SASS6: variants seen among roughly 807,000 people sequenced by gnomAD.
SASS6 encodes spindle assembly abnormal protein 6 homolog.
In SASS6, 59 loss-of-function variants were observed where a neutral mutation model predicts 94.9. That is an observed-to-expected ratio of 0.62 (90% CI 0.50 to 0.77). The LOEUF is 0.77. SASS6 is among the 30% of genes least tolerant of loss of function. The pLI is 0.00. For synonymous variants in SASS6, 264 were observed against 270.0 expected, an observed-to-expected ratio of 0.98 and a Z score of 0.22; for missense variants, 698 against 734.1, an observed-to-expected ratio of 0.95 and a Z score of 0.57.
intron 15 of SASS6, among the ~76,000 whole-genome samples, chr1:100,087,266 A>C (rs1468751735): frequency 6.6e-6 from 1 of 152,238 alleles, no homozygotes. Context: ...TACAGGCATG[A>C]GCCACTGTGA....
At position 100,119,190 on chromosome 1, in the gene SASS6, A is replaced by C. The variant is rs6662945; in HGVS notation, c.550-53T>G. The C allele has an allele frequency of 0.1, 107,241 of 1,034,358 alleles. 6,571 individuals are homozygous for C. The highest frequency in any genetic ancestry group is 0.25 in the African/African-American group (15,184 of 61,562). The allele number at this position is 1,034,358 out of a possible 1,614,324, so 64.1% of individuals were successfully genotyped here. ...AAGATAGGCTCCTTAATATGTAATAATTTTGATTAGAATATAGCAATATTT... is the reference window on the plus strand; with the variant it reads ...AAGATAGGCTCCTTAATATGTAATACTTTTGATTAGAATATAGCAATATTT... On this transcript the variant is annotated intron_variant, in intron 6 of 16. Transcript: ENST00000287482.
At chr1:100,098,401 T>G (rs1009875448) in intron 14 of SASS6, among the ~76,000 whole-genome samples, 1 of 152,054 alleles carries the variant, frequency 6.6e-6, no homozygotes, top group Non-Finnish European at 1.5e-5. Context: ...TTTCCATCTC[T>G]AAAACAAACA....
intron 3 of SASS6, 64 bp from the exon 4 acceptor site, chr1:100,122,548 C>CATT: frequency 2.6e-6 from 1 of 390,270 alleles, no homozygotes; most frequent in African/African-American, 3.9e-5. Context: ...TGTTTTGGTG[C>CATT]CTTTTTTTTT....
At chr1:100,116,484 C>T (rs1351668392) in intron 7 of SASS6, among the ~76,000 whole-genome samples, 1 of 152,112 alleles carries the variant, frequency 6.6e-6, no homozygotes, top group Non-Finnish European at 1.5e-5. Flanking sequence ...TCTGCCAAAG[C>T]TAAACATATG....
chr1:100,090,450 C>T (rs903690101), intron 14 of SASS6, among the ~76,000 whole-genome samples: 1 of 152,078 alleles, frequency 6.6e-6, no homozygotes, highest in African/African-American at 2.4e-5. Context: ...AACTCCTAAG[C>T]GTCAAAGAGA....
intron 14 of SASS6, among the ~76,000 whole-genome samples, chr1:100,098,771 T>G (rs1200331925): frequency 6.6e-6 from 1 of 152,206 alleles, no homozygotes; most frequent in East Asian, 1.9e-4. Context: ...AAACTTATAT[T>G]CTGATACACT....
intron 14 of SASS6, among the ~76,000 whole-genome samples, chr1:100,093,949 A>G (rs1651938291): frequency 1.3e-5 from 2 of 152,202 alleles, no homozygotes; most frequent in African/African-American, 4.8e-5. Context: ...AAAAGGAGCC[A>G]AACAAACTCA....
intron 1 of SASS6, among the ~76,000 whole-genome samples, chr1:100,127,062 T>C (rs1428952077): frequency 6.6e-6 from 1 of 152,146 alleles, no homozygotes; most frequent in Non-Finnish European, 1.5e-5. Context: ...AATCCAGAAT[T>C]GGACAGAGGT....
intron 8 of SASS6, among the ~76,000 whole-genome samples, chr1:100,110,013 G>A (rs1323720002): frequency 6.6e-6 from 1 of 151,962 alleles, no homozygotes; most frequent in Non-Finnish European, 1.5e-5. Flanking sequence ...AAATACAGGT[G>A]CTGTGTTACT....
At chr1:100,124,759 T>A (rs1208550030) in intron 2 of SASS6, among the ~76,000 whole-genome samples, 2 of 152,148 alleles carry the variant, frequency 1.3e-5, no homozygotes, top group Non-Finnish European at 2.9e-5. Context: ...GTAGAAGACA[T>A]TTTTCCAAGA....
rs1207224228 is a variant in SASS6 at position 100,123,258 on chromosome 1, T to A, written c.158A>T (p.Asp53Val). Residue 53 changes from aspartate (D) to valine (V), a missense_variant, in exon 3 of 17, where the codon GAT (aspartate) becomes GTT (valine). By Grantham distance (152) the Asp-to-Val change is radical. Coordinates refer to ENST00000287482, the MANE Select transcript of SASS6 (RefSeq NM_194292.3). ...AACAAGGTTATATAAAAAAAATGGA[T>A]CCGTGTCATCAGTCAGACGAATAAC... The part of the protein sequence containing the change: ...DLVIRLTDDT[D>V]PFFLYNLVIS... 1 of 1,561,030 alleles carries A rather than the reference T, an allele frequency of 6.4e-7. No individual in the cohort carries two copies. The highest frequency in any genetic ancestry group is 8.8e-7 in the Non-Finnish European group (1 of 1,140,548).
intron 14 of SASS6, chr1:100,099,569 T>TA (rs1652319347): frequency 6.6e-6 from 1 of 152,314 alleles, no homozygotes. Context: ...ATGCTTGGGA[T>TA]AGGGGCTCCC....
rs114030200 is a variant in SASS6, at chr1:100,102,718, G to C, written c.1674+237C>G. Among the ~76,000 whole-genome samples, 1,252 of 150,142 alleles carry C rather than the reference G, an allele frequency of 8.3e-3. 11 individuals are homozygous for C. Among genetic ancestry groups the C allele is most frequent in the Non-Finnish European group, 0.013 (899 of 67,638 alleles). On this transcript the variant is annotated intron_variant, in intron 14 of 16. Coordinates refer to ENST00000287482, the MANE Select transcript of SASS6 (RefSeq NM_194292.3). ...AAGGAGAGGTTGAGTAGAAATAAGTGAGGTTTAAACAGACTGATGTCAAGA... is the reference window on the plus strand; with the variant it reads ...AAGGAGAGGTTGAGTAGAAATAAGTCAGGTTTAAACAGACTGATGTCAAGA...
chr1:100,127,900 C>G (rs920395670), intron 1 of SASS6, among the ~76,000 whole-genome samples: 1 of 151,998 alleles, frequency 6.6e-6, no homozygotes, highest in Non-Finnish European at 1.5e-5. Context: ...TTGTGAAAAC[C>G]TTTTTAGCTC....
rs1404240039 is a variant in SASS6, at chr1:100,132,919, G to T, written c.-105C>A. 8.4e-7 allele frequency: 1 copy of T among 1,184,138 alleles called. No individual in the cohort carries two copies. 73.4% of individuals were successfully genotyped at this position (1,184,138 alleles called of 1,614,324 possible). A position where few individuals can be genotyped will look rare whatever the true frequency, so the allele number is the denominator to read the frequency against. ...TGATAAAGTTTGAGTTTGGCGCTCG[G>T]CTTCTGCGGAGGAGGCGGGGAGGGA... is the stretch of plus-strand genomic sequence containing the variant. On this transcript the variant is annotated 5_prime_UTR_variant, in exon 1 of 17. Transcript: ENST00000287482.
chr1:100,095,791 T>C (rs1483374150), intron 14 of SASS6, among the ~76,000 whole-genome samples: 5 of 151,838 alleles, frequency 3.3e-5, no homozygotes, highest in African/African-American at 1.2e-4. Context: ...TTCTGAAAAA[T>C]AAAATAATTA....
rs551040318 is a variant in SASS6 at position 100,122,623 on chromosome 1, G to A, written c.207-139C>T. The A allele has an allele frequency of 1.1e-4, 42 of 395,088 alleles. 1 individual carries two copies. The South Asian group carries it at 1.4e-3, about 13-fold the overall frequency. The allele number at this position is 395,088 out of a possible 1,614,324, so 24.5% of individuals were successfully genotyped here. A position where few individuals can be genotyped will look rare whatever the true frequency, so the allele number is the denominator to read the frequency against. Reference sequence around the variant, plus strand: ...GCTGGAGTGCAGTGGTGCAATCTTGGCTCACTGCAACCTCTGCCTCCCAGG... The same window carrying A: ...GCTGGAGTGCAGTGGTGCAATCTTGACTCACTGCAACCTCTGCCTCCCAGG... On this transcript the variant is annotated intron_variant, in intron 3 of 16. Coordinates refer to ENST00000287482, the MANE Select transcript of SASS6 (RefSeq NM_194292.3).
At position 100,123,302 on chromosome 1, in the gene SASS6, T is replaced by C. The variant is rs1406541512; in HGVS notation, c.127-13A>G. 12 of 1,428,662 alleles carry C rather than the reference T, an allele frequency of 8.4e-6. No homozygotes were observed. The African/African-American group carries it at 1.4e-4, about 17-fold the overall frequency. The allele number at this position is 1,428,662 out of a possible 1,614,324, so 88.5% of individuals were successfully genotyped here. On this transcript the variant is annotated splice_polypyrimidine_tract_variant and intron_variant, in intron 2 of 16. Transcript: ENST00000287482. Reference sequence around the variant, plus strand: ...GAATAACTAAGTCCTAAAAGAAAGTTTGTTGTTTTTAAATGTTTTTACTAG... The same window carrying C: ...GAATAACTAAGTCCTAAAAGAAAGTCTGTTGTTTTTAAATGTTTTTACTAG...
intron 3 of SASS6, among the ~76,000 whole-genome samples, chr1:100,122,773 G>A (rs1213656874): frequency 6.6e-6 from 1 of 151,836 alleles, no homozygotes; most frequent in African/African-American, 2.4e-5. Context: ...GACTAGTCTC[G>A]AACTTCTGAC....
Sources: allele counts gnomAD v4.1 joint callset (sites outside exome capture counted in the v4.1 genomes callset), GRCh38; gene constraint gnomAD v4.1.1; transcripts MANE v1.5; gene names NCBI Gene and HGNC (gene_info 2026-07-23, HGNC 2026-07-21).